USO1: variants seen among roughly 807,000 people sequenced by gnomAD.
USO1 encodes the protein USO1 vesicle transport factor.
Under a neutral mutation model 124.5 loss-of-function variants are expected in USO1, and 57 were observed. That is an observed-to-expected ratio of 0.46 (90% CI 0.37 to 0.57). The LOEUF (loss-of-function observed/expected upper bound fraction) is 0.57. Ranked by LOEUF, USO1 falls within the 20% of genes least tolerant of loss-of-function variation. The pLI is 0.00. For synonymous variants in USO1, 369 were observed against 362.8 expected (o/e 1.02, Z -0.19); for missense variants, 900 against 1,040.6 (o/e 0.86, Z 1.86).
intron 8 of USO1, among the ~76,000 whole-genome samples, chr4:75,781,483 G>A (rs1225103266): frequency 6.6e-6 from 1 of 152,140 alleles, no homozygotes; most frequent in Non-Finnish European, 1.5e-5. Context: ...GAAGACTCAG[G>A]TGGTCATTAG....
chr4:75,789,326 G>A (rs1480991983), intron 10 of USO1, among the ~76,000 whole-genome samples: 2 of 152,146 alleles, frequency 1.3e-5, no homozygotes, highest in Admixed American at 1.3e-4. Flanking sequence ...TTCCCAGGCT[G>A]GAGTGCAGTG....
chr4:75,812,293 A>C lies in USO1; in HGVS notation c.2717A>C (p.Gln906Pro). The change falls in exon 23 of 24, where the codon CAA becomes CCA. Residue 906 changes from glutamine to proline, a missense_variant. Physicochemically the swap from Gln to Pro is moderately conservative, Grantham distance 76. Transcript: ENST00000514213. ...GAAATTACAGATTCTAAAAAAGAACAAGATGATCTCTTGGTGCTCTTGGCC... is the reference window on the plus strand; with the variant it reads ...GAAATTACAGATTCTAAAAAAGAACCAGATGATCTCTTGGTGCTCTTGGCC... ...ELEITDSKKE[Q>P]DDLLVLLADQ... is the part of the protein sequence containing the mutation. The C allele has an allele frequency of 6.2e-7, 1 of 1,607,516 alleles. No individual in the cohort carries two copies. Among genetic ancestry groups the C allele is most frequent in the Middle Eastern group, 1.7e-4 (1 of 6,052 alleles).
intron 4 of USO1, chr4:75,760,542 T>G (rs1015995348): frequency 1.8e-5 from 7 of 396,380 alleles, no homozygotes; most frequent in Non-Finnish European, 3.1e-5. Context: ...ATTAAAAAAC[T>G]ATTGTCTTTA....
chr4:75,757,198 A>C (rs1488381046), intron 3 of USO1, among the ~76,000 whole-genome samples: 1 of 152,094 alleles, frequency 6.6e-6, no homozygotes, highest in East Asian at 1.9e-4. Flanking sequence ...TATTCTTCGG[A>C]AATACATTTT....
intron 23 of USO1, among the ~76,000 whole-genome samples, chr4:75,812,869 G>C (rs1488019355): frequency 6.6e-6 from 1 of 152,122 alleles, no homozygotes; most frequent in Non-Finnish European, 1.5e-5. Flanking sequence ...CTAGCACTTT[G>C]GGGGGCTGAG....
chr4:75,756,712 A>G (rs1013120448), intron 3 of USO1, among the ~76,000 whole-genome samples: 1 of 151,702 alleles, frequency 6.6e-6, no homozygotes, highest in Non-Finnish European at 1.5e-5. Flanking sequence ...CTCCGTCTCT[A>G]CTTTTGGTCA....
intron 1 of USO1, among the ~76,000 whole-genome samples, chr4:75,734,414 A>G (rs1720728934): frequency 6.6e-6 from 1 of 152,092 alleles, no homozygotes; most frequent in African/African-American, 2.4e-5. Flanking sequence ...ATTGCTTGTT[A>G]CTGTCAATTT....
At chr4:75,803,859 A>G (rs1722920928) in intron 17 of USO1, among the ~76,000 whole-genome samples, 2 of 152,136 alleles carry the variant, frequency 1.3e-5, no homozygotes, top group Non-Finnish European at 2.9e-5. Context: ...TGACCATAAA[A>G]TGGAGTTTTT....
chr4:75,765,447 A>G (rs987561), intron 4 of USO1, among the ~76,000 whole-genome samples: 80,459 of 151,962 alleles, frequency 0.53, 23,188 homozygotes, highest in East Asian at 0.81. Context: ...TGTAACATTT[A>G]CCATACTGTG....
chr4:75,746,509 T>C (rs955902760), intron 1 of USO1, among the ~76,000 whole-genome samples: 1 of 152,254 alleles, frequency 6.6e-6, no homozygotes, highest in African/African-American at 2.4e-5. Context: ...CGTACTTTTG[T>C]ACAGAATTTT....
intron 7 of USO1, among the ~76,000 whole-genome samples, 193 bp from the exon 8 acceptor site, chr4:75,774,483 C>CT (rs1033467868): frequency 6.6e-6 from 1 of 152,190 alleles, no homozygotes; most frequent in Non-Finnish European, 1.5e-5. Flanking sequence ...AGTCTAGTGT[C>CT]TGTCTCTTTG....
At chr4:75,729,057 A>C (rs1720551237) in intron 1 of USO1, among the ~76,000 whole-genome samples, 1 of 152,152 alleles carries the variant, frequency 6.6e-6, no homozygotes, top group African/African-American at 2.4e-5. Flanking sequence ...TGGCCTCCCA[A>C]AGTGCTGGAA....
At chr4:75,744,358 G>C (rs1721061157) in intron 1 of USO1, among the ~76,000 whole-genome samples, 1 of 152,160 alleles carries the variant, frequency 6.6e-6, no homozygotes, top group Non-Finnish European at 1.5e-5. Flanking sequence ...AGATACGGAA[G>C]GATGATGGCT....
chr4:75,804,338 G>A, intron 18 of USO1, 66 bp downstream of exon 18: 2 of 1,515,966 alleles, frequency 1.3e-6, no homozygotes, highest in Non-Finnish European at 1.8e-6. Flanking sequence ...GCTAGACAAA[G>A]TAAAAGATTC....
intron 1 of USO1, among the ~76,000 whole-genome samples, chr4:75,733,279 T>A (rs1720691517): frequency 6.6e-6 from 1 of 151,752 alleles, no homozygotes; most frequent in African/African-American, 2.4e-5. Context: ...TTAAAAAAAA[T>A]AAATTAAGTC....
In USO1 at chr4:75,784,029, GT is replaced by G. The variant is rs1722293346; in HGVS notation, c.855+1175del. ...GTTCAAAACTGCTTTATTTTGTTTT[GT>G]TTTGTTTAAGAGACAGGTTCTTACT... On this transcript the variant is annotated intron_variant, in intron 9 of 23. Coordinates refer to ENST00000514213, the MANE Select transcript of USO1 (RefSeq NM_003715.4). Among the ~76,000 whole-genome samples, 8 of 152,266 alleles carry G rather than the reference GT, an allele frequency of 5.3e-5. No homozygotes were observed. In the South Asian group the frequency reaches 1.7e-3, roughly 32 times the overall value.
Position 75,770,426 on chromosome 4 carries a change from T to C in USO1, c.296-13T>C, listed in dbSNP as rs1721887819. 6.6e-7 allele frequency: 1 copy of C among 1,518,722 alleles called. No homozygotes were observed. Among genetic ancestry groups the C allele is most frequent in the Admixed American group, 2.2e-5 (1 of 44,832 alleles). 94.1% of individuals were successfully genotyped at this position (1,518,722 alleles called of 1,614,324 possible). ...ACTATTAAATTGAAATTCTTTATTT[T>C]TGAATATTACAGAAGAAAATTCCAC... On this transcript the variant is annotated splice_polypyrimidine_tract_variant and intron_variant, in intron 4 of 23. Coordinates refer to ENST00000514213, the MANE Select transcript of USO1 (RefSeq NM_003715.4).
chr4:75,763,850 GGTTCTA>G (rs1439506974), intron 4 of USO1, among the ~76,000 whole-genome samples: 3 of 152,134 alleles, frequency 2.0e-5, no homozygotes, highest in African/African-American at 7.2e-5. Flanking sequence ...AATTTCTCAT[GGTTCTA>G]GTTTTTGTTC....
chr4:75,790,059 CAA>C, intron 10 of USO1, 89 bp from the exon 11 acceptor site: 5 of 850,828 alleles, frequency 5.9e-6, no homozygotes, highest in East Asian at 4.8e-5. Flanking sequence ...AAAAAAAAAA[CAA>C]AAAAAAAAGA....
Sources: allele counts gnomAD v4.1 joint callset (sites outside exome capture counted in the v4.1 genomes callset), GRCh38; gene constraint gnomAD v4.1.1; transcripts MANE v1.5; gene names NCBI Gene and HGNC (gene_info 2026-07-23, HGNC 2026-07-21).